VPS53: variants seen among roughly 807,000 people sequenced by gnomAD.
VPS53 encodes the protein VPS53 subunit of GARP complex.
A neutral mutation model predicts 107.0 loss-of-function variants in VPS53; 70 were observed. The observed-to-expected ratio is 0.65, with a 90% CI of 0.54 to 0.80. The LOEUF (loss-of-function observed/expected upper bound fraction) is 0.80, where lower values mean the gene tolerates loss of function less well. Among genes scored for constraint, VPS53 ranks in the 30% least tolerant of loss-of-function variants. The pLI, the probability that VPS53 is intolerant of heterozygous loss-of-function variation, is 0.00. For synonymous variants in VPS53, 409 were observed against 393.3 expected (o/e 1.04, Z -0.47); for missense variants, 917 against 1,049.4 (o/e 0.87, Z 1.74).
chr17:618,214 A>ATG (rs1293342063), intron 11 of VPS53, among the ~76,000 whole-genome samples: 6 of 69,540 alleles, frequency 8.6e-5, no homozygotes, highest in African/African-American at 1.4e-4. Flanking sequence ...ACCACGCCCC[A>ATG]CTAATATTTC....
chr17:587,869 C>G (rs1369473411), intron 12 of VPS53, among the ~76,000 whole-genome samples: 1 of 152,150 alleles, frequency 6.6e-6, no homozygotes, highest in African/African-American at 2.4e-5. Context: ...GTATGATTGA[C>G]ATTTTAAAAG....
intron 5 of VPS53, among the ~76,000 whole-genome samples, chr17:658,458 G>C (rs1032727572): frequency 6.7e-6 from 1 of 148,468 alleles, no homozygotes. Context: ...ACTGAAGTGA[G>C]AAACTTGGCC....
At chr17:547,013 TAC>T (rs1911263625) in intron 17 of VPS53, among the ~76,000 whole-genome samples, 1 of 151,868 alleles carries the variant, frequency 6.6e-6, no homozygotes, top group South Asian at 2.1e-4. Context: ...TAGCTGGGAT[TAC>T]AGGCACGCAC....
intron 7 of VPS53, among the ~76,000 whole-genome samples, chr17:642,133 CAAAT>C (rs1392830679): frequency 3.9e-5 from 6 of 152,196 alleles, no homozygotes; most frequent in Non-Finnish European, 7.3e-5. Context: ...CAACAGTTCC[CAAAT>C]AAATATACCG....
At chr17:588,441 T>C (rs958370979) in intron 12 of VPS53, among the ~76,000 whole-genome samples, 1 of 152,204 alleles carries the variant, frequency 6.6e-6, no homozygotes, top group Non-Finnish European at 1.5e-5. Context: ...TAACTACCTA[T>C]TTCTGGCCTT....
chr17:517,642 C>T lies in VPS53; in HGVS notation c.*1486G>A, dbSNP rs1008043542. On this transcript the variant is annotated 3_prime_UTR_variant, in exon 22 of 22. Transcript: ENST00000437048. Reference sequence around the variant, plus strand: ...TTAAGTGATTCTCCTGCCTCAGCCTCCCCAGTAGCTGGGATTACAGGCACT... The same window carrying T: ...TTAAGTGATTCTCCTGCCTCAGCCTTCCCAGTAGCTGGGATTACAGGCACT... The T allele has an allele frequency of 2.1e-5, 8 of 377,500 alleles. No homozygotes were observed. The highest frequency in any genetic ancestry group is 6.7e-4 in the Middle Eastern group (1 of 1,494). The allele number at this position is 377,500 out of a possible 1,614,324, so 23.4% of individuals were successfully genotyped here.
chr17:683,035 C>G (rs1022581281), intron 4 of VPS53, among the ~76,000 whole-genome samples: 3 of 152,258 alleles, frequency 2.0e-5, no homozygotes, highest in Non-Finnish European at 2.9e-5. Flanking sequence ...ATTCCTTCAA[C>G]AGCCTCATCA....
At chr17:614,713 G>A (rs1167333574) in intron 11 of VPS53, among the ~76,000 whole-genome samples, 6 of 152,030 alleles carry the variant, frequency 3.9e-5, no homozygotes. Context: ...CATGCTGGGT[G>A]GTCTTTCATG....
intron 19 of VPS53, chr17:531,953 T>G (rs9328718): frequency 0.39 from 53,012 of 137,382 alleles, 10,336 homozygotes; most frequent in South Asian, 0.52. Context: ...TTGTTTTTTT[T>G]TTTTTTTTTT....
intron 5 of VPS53, chr17:657,143 G>A (rs986241383): frequency 1.5e-4 from 216 of 1,424,296 alleles, no homozygotes; most frequent in Non-Finnish European, 1.7e-4. Context: ...TCAGGGTAGC[G>A]GATGGTGCGA....
intron 4 of VPS53, among the ~76,000 whole-genome samples, chr17:693,721 G>A (rs1267044004): frequency 6.6e-6 from 1 of 152,116 alleles, no homozygotes; most frequent in Non-Finnish European, 1.5e-5. Flanking sequence ...GCAGGACCCT[G>A]TCCCTAACAT....
At chr17:540,512 C>T (rs1369209037) in intron 17 of VPS53, 1 of 152,064 alleles carries the variant, frequency 6.6e-6, no homozygotes, top group Non-Finnish European at 1.5e-5. Context: ...GCCCAAAGAA[C>T]TCTTTCAAAA....
Position 630,740 on chromosome 17 carries a change from C to G in VPS53, c.687+810G>C, listed in dbSNP as rs1056831288. The stretch of plus-strand genomic sequence containing the variant: ...TTACAGAGCAGATGCAGGAAATGTT[C>G]CTTGGATCAGTAAATGAATGTATGT... On this transcript the variant is annotated intron_variant, in intron 8 of 21. Coordinates refer to ENST00000437048, the MANE Select transcript of VPS53 (RefSeq NM_001128159.3). 2.0e-5 allele frequency among the ~76,000 whole-genome samples: 3 copies of G among 152,276 alleles called. No homozygotes were observed. The East Asian group carries it at 5.8e-4, about 29-fold the overall frequency.
chr17:549,283 T>C (rs1911589873), intron 17 of VPS53, among the ~76,000 whole-genome samples: 1 of 152,244 alleles, frequency 6.6e-6, no homozygotes, highest in African/African-American at 2.4e-5. Context: ...GTGTGTTGAA[T>C]CAATTTGTGA....
intron 13 of VPS53, among the ~76,000 whole-genome samples, chr17:579,365 T>C (rs532726909): frequency 9.3e-4 from 137 of 147,476 alleles, no homozygotes; most frequent in Admixed American, 2.6e-3. Flanking sequence ...ACCTAATGCC[T>C]TCCCAGAGAA....
At chr17:529,432 G>C (rs1279694625) in intron 19 of VPS53, among the ~76,000 whole-genome samples, 1 of 149,714 alleles carries the variant, frequency 6.7e-6, no homozygotes, top group Admixed American at 6.7e-5. Context: ...ACCCCTGCTG[G>C]GATTCTACTG....
At chr17:581,903 T>C (rs1967042481) in intron 13 of VPS53, among the ~76,000 whole-genome samples, 1 of 148,712 alleles carries the variant, frequency 6.7e-6, no homozygotes, top group Non-Finnish European at 1.5e-5. Flanking sequence ...GGAACCTCAG[T>C]GCATTCCCAG....
rs189139751 is a variant in VPS53, at chr17:524,769, C to A, written c.2086-3031G>T. Among the ~76,000 whole-genome samples the A allele has an allele frequency of 6.6e-6, 1 of 151,996 alleles. No homozygotes were observed. Among genetic ancestry groups the A allele is most frequent in the African/African-American group, 2.4e-5 (1 of 41,378 alleles). On this transcript the variant is annotated intron_variant, in intron 19 of 21. Coordinates refer to ENST00000437048, the MANE Select transcript of VPS53 (RefSeq NM_001128159.3). This position sits in a 1 kb window ranked among gnomAD's most constrained non-coding sequence, Gnocchi z 4.5. ...GGCACTGAAATTCACAAATGTACAC[C>A]GTAATACACCCATCAGAGTCAGAAG...
intron 12 of VPS53, among the ~76,000 whole-genome samples, chr17:598,995 GT>G (rs1214722965): frequency 2.0e-5 from 1 of 50,234 alleles, no homozygotes. Context: ...CGGGAGGGAG[GT>G]GGGGGGGGGG....
Sources: allele counts gnomAD v4.1 joint callset (sites outside exome capture counted in the v4.1 genomes callset), GRCh38; gene constraint gnomAD v4.1.1; non-coding constraint Gnocchi (gnomAD v3.1); transcripts MANE v1.5; gene names NCBI Gene and HGNC (gene_info 2026-07-23, HGNC 2026-07-21).